DLG2: variants seen among roughly 807,000 people sequenced by gnomAD.
DLG2 encodes disks large homolog 2.
A neutral mutation model predicts 132.5 loss-of-function variants in DLG2; 45 were observed. The observed-to-expected ratio is 0.34, with a 90% CI of 0.27 to 0.44. DLG2 has a LOEUF of 0.44. Ranked by LOEUF, DLG2 falls within the 20% of genes least tolerant of loss-of-function variation. DLG2 has a pLI of 1.00. For missense variants in DLG2, 1,045 were observed against 1,196.9 expected (o/e 0.87, Z 1.87); for synonymous variants, 424 against 419.6 (o/e 1.01, Z -0.13).
chr11:84,682,217 A>G (rs192432616), intron 6 of DLG2, among the ~76,000 whole-genome samples: 75 of 152,324 alleles, frequency 4.9e-4, no homozygotes, highest in Admixed American at 1.0e-3. Context: ...GAAGGAGTCA[A>G]ACAAACCAAA....
intron 7 of DLG2, among the ~76,000 whole-genome samples, chr11:84,442,203 T>A (rs928097479): frequency 3.9e-5 from 6 of 152,164 alleles, no homozygotes; most frequent in Non-Finnish European, 4.4e-5. Flanking sequence ...TATAAATTAC[T>A]TTGGGCAGTA....
intron 6 of DLG2, among the ~76,000 whole-genome samples, chr11:84,607,151 T>C (rs1247609655): frequency 3.3e-5 from 5 of 152,076 alleles, no homozygotes; most frequent in African/African-American, 1.2e-4. Context: ...AATGAGATAG[T>C]GAGTCACTGG....
chr11:84,607,550 T>TA (rs772212937), intron 6 of DLG2, among the ~76,000 whole-genome samples: 6 of 152,096 alleles, frequency 3.9e-5, no homozygotes, highest in Non-Finnish European at 7.4e-5. Context: ...CTCTGTCTCC[T>TA]GAACTTATTA....
chr11:85,428,887 T>G (rs1206217366), intron 3 of DLG2, among the ~76,000 whole-genome samples: 2 of 151,906 alleles, frequency 1.3e-5, no homozygotes, highest in Non-Finnish European at 2.9e-5. Flanking sequence ...CTAGCAAGAC[T>G]AATAAAGAAG....
At chr11:83,919,840 T>G (rs1174742286) in intron 15 of DLG2, among the ~76,000 whole-genome samples, 2 of 152,224 alleles carry the variant, frequency 1.3e-5, no homozygotes, top group African/African-American at 4.8e-5. Context: ...TCTTTACAAT[T>G]ATGCCGGAGG....
rs113535973 is a variant in DLG2, at chr11:84,078,944, T to C, written c.750-19460A>G. Among the ~76,000 whole-genome samples the C allele has an allele frequency of 2.6e-3, 389 of 152,316 alleles. 5 individuals carry two copies. Among genetic ancestry groups the C allele is most frequent in the East Asian group, 3.3e-3 (17 of 5,170 alleles). On this transcript the variant is annotated intron_variant, in intron 10 of 27. Coordinates refer to ENST00000376104, the MANE Select transcript of DLG2 (RefSeq NM_001142699.3). Reference sequence around the variant, plus strand: ...TTGTCCAAAATGGAACTATTCAACATATTTTCCAACTTTACCTCTCCACCA... The same window carrying C: ...TTGTCCAAAATGGAACTATTCAACACATTTTCCAACTTTACCTCTCCACCA...
At chr11:84,252,340 G>C (rs1010063193) in intron 7 of DLG2, among the ~76,000 whole-genome samples, 1 of 151,126 alleles carries the variant, frequency 6.6e-6, no homozygotes, top group Non-Finnish European at 1.5e-5. Context: ...TAGTACAGAC[G>C]GGGTTTCACC....
chr11:84,327,626 A>T (rs1444372892), intron 7 of DLG2, among the ~76,000 whole-genome samples: 1 of 152,116 alleles, frequency 6.6e-6, no homozygotes, highest in Non-Finnish European at 1.5e-5. Flanking sequence ...AGCTTACATA[A>T]GACATCTTGC....
intron 10 of DLG2, among the ~76,000 whole-genome samples, chr11:84,088,100 G>A (rs2097021938): frequency 6.6e-6 from 1 of 152,086 alleles, no homozygotes; most frequent in African/African-American, 2.4e-5. Flanking sequence ...CTTCTTGATA[G>A]TGTCCTTTGA....
chr11:84,558,002 C>T (rs1057410501), intron 6 of DLG2, among the ~76,000 whole-genome samples: 3 of 152,030 alleles, frequency 2.0e-5, no homozygotes, highest in Non-Finnish European at 4.4e-5. Context: ...TCAAGAAAAA[C>T]ACTTATAACG....
intron 3 of DLG2, among the ~76,000 whole-genome samples, chr11:85,457,215 T>C (rs1046945058): frequency 2.0e-5 from 3 of 150,866 alleles, no homozygotes; most frequent in Non-Finnish European, 2.9e-5. Context: ...TTGTTGGGCT[T>C]AAAGTCTCTT....
chr11:84,199,343 C>A (rs1357494848), intron 8 of DLG2, among the ~76,000 whole-genome samples: 1 of 152,108 alleles, frequency 6.6e-6, no homozygotes, highest in East Asian at 1.9e-4. Flanking sequence ...TACTGCCTCC[C>A]TTTTGTTACC....
At position 83,798,335 on chromosome 11, in the gene DLG2, T is replaced by C. The variant is rs147140553; in HGVS notation, c.1723-11543A>G. Reference sequence around the variant, plus strand: ...AGGCTGTTATCAGGATTATTAGAGTTTAAGCAAATAAAATGCTTAAAATAA... The same window carrying C: ...AGGCTGTTATCAGGATTATTAGAGTCTAAGCAAATAAAATGCTTAAAATAA... On this transcript the variant is annotated intron_variant, in intron 17 of 27. Transcript: ENST00000376104. 2.2e-4 allele frequency among the ~76,000 whole-genome samples: 34 copies of C among 152,288 alleles called. 1 individual carries two copies. In the East Asian group the frequency reaches 5.6e-3, roughly 25 times the overall value.
chr11:84,768,859 T>C (rs1306473928), intron 6 of DLG2, among the ~76,000 whole-genome samples: 1 of 152,096 alleles, frequency 6.6e-6, no homozygotes, highest in Non-Finnish European at 1.5e-5. Context: ...AATCTCTCTC[T>C]AGGCCAGCTC....
intron 18 of DLG2, among the ~76,000 whole-genome samples, chr11:83,690,181 G>C (rs1244498207): frequency 6.6e-6 from 1 of 150,546 alleles, no homozygotes; most frequent in East Asian, 1.9e-4. Flanking sequence ...AGAAGGTCTT[G>C]GCTACCACTG....
chr11:84,460,721 T>G (rs968449164), intron 7 of DLG2, among the ~76,000 whole-genome samples: 1 of 150,760 alleles, frequency 6.6e-6, no homozygotes, highest in East Asian at 1.9e-4. Context: ...GTAGCCTAAT[T>G]CACTTATTCA....
intron 4 of DLG2, among the ~76,000 whole-genome samples, chr11:85,247,906 G>T (rs1402130066): frequency 6.6e-6 from 1 of 151,882 alleles, no homozygotes; most frequent in African/African-American, 2.4e-5. Flanking sequence ...TCATTGCTTT[G>T]GTCCCCTTCC....
chr11:83,679,002 G>C (rs755580194), intron 18 of DLG2, among the ~76,000 whole-genome samples: 3 of 152,064 alleles, frequency 2.0e-5, no homozygotes, highest in African/African-American at 7.2e-5. Flanking sequence ...TATGAGGAGA[G>C]GAATCAAAGC....
chr11:83,665,844 G>C (rs1381739037), intron 18 of DLG2, among the ~76,000 whole-genome samples: 1 of 151,988 alleles, frequency 6.6e-6, no homozygotes, highest in Non-Finnish European at 1.5e-5. Context: ...CATGAGATTG[G>C]AATTCTCTAT....
Sources: allele counts gnomAD v4.1 joint callset (sites outside exome capture counted in the v4.1 genomes callset), GRCh38; gene constraint gnomAD v4.1.1; transcripts MANE v1.5; gene names NCBI Gene and HGNC (gene_info 2026-07-23, HGNC 2026-07-21).